PHF14: variants seen among roughly 807,000 people sequenced by gnomAD.
PHF14 encodes the protein PHD finger protein 14.
In PHF14, 55 loss-of-function variants were observed where a neutral mutation model predicts 117.9. The ratio of observed to expected loss-of-function variants is 0.47; its 90% CI spans 0.38 to 0.58. PHF14 has a LOEUF of 0.58. Among genes scored for constraint, PHF14 ranks in the 20% least tolerant of loss-of-function variants. The pLI, the probability that PHF14 is intolerant of heterozygous loss-of-function variation, is 0.00. For missense variants in PHF14, 978 were observed against 1,122.2 expected, an observed-to-expected ratio of 0.87 and a Z score of 1.84; for synonymous variants, 409 against 368.6, an observed-to-expected ratio of 1.11 and a Z score of -1.26.
At chr7:11,151,196 G>T (rs991878193) in intron 17 of PHF14, among the ~76,000 whole-genome samples, 3 of 152,082 alleles carry the variant, frequency 2.0e-5, no homozygotes, top group African/African-American at 7.2e-5. Flanking sequence ...GAACAATGTG[G>T]TTGCCACATA....
At chr7:11,027,517 C>G (rs919103225) in intron 6 of PHF14, among the ~76,000 whole-genome samples, 3 of 151,840 alleles carry the variant, frequency 2.0e-5, no homozygotes, top group Non-Finnish European at 4.4e-5. Context: ...TAGCTAATTC[C>G]CCCTTTTTCT....
In PHF14 at chr7:10,993,669, G is replaced by C. The variant is rs1423904617; in HGVS notation, c.1045+2822G>C. On this transcript the variant is annotated intron_variant, in intron 4 of 17. Transcript: ENST00000634607. ...GTAGGACAAGGAGTATAGGAATGCT[G>C]TGTGTGAGGGTGGTTGGGTGAGTTG... Among the ~76,000 whole-genome samples the C allele has an allele frequency of 3.3e-5, 5 of 152,140 alleles. No individual in the cohort carries two copies. The East Asian group carries it at 9.7e-4, about 29-fold the overall frequency.
chr7:11,027,299 A>C (rs963933114), intron 6 of PHF14, among the ~76,000 whole-genome samples: 1 of 151,998 alleles, frequency 6.6e-6, no homozygotes, highest in Non-Finnish European at 1.5e-5. Flanking sequence ...TACTGTTATT[A>C]GAGAAATTAT....
At chr7:11,050,670 C>G (rs981374656) in intron 13 of PHF14, among the ~76,000 whole-genome samples, 1 of 151,894 alleles carries the variant, frequency 6.6e-6, no homozygotes, top group African/African-American at 2.4e-5. Flanking sequence ...TGTAGATAAT[C>G]CTAATATTAT....
intron 17 of PHF14, among the ~76,000 whole-genome samples, chr7:11,148,989 A>G (rs1788631279): frequency 6.6e-6 from 1 of 152,134 alleles, no homozygotes; most frequent in Non-Finnish European, 1.5e-5. Flanking sequence ...TTTAAACCCA[A>G]AGTCATTCCT....
chr7:11,041,718 C>G (rs904583296), intron 12 of PHF14, among the ~76,000 whole-genome samples: 1 of 151,862 alleles, frequency 6.6e-6, no homozygotes, highest in African/African-American at 2.4e-5. Flanking sequence ...ACGGTTGGTT[C>G]ATTTGGAACC....
At chr7:11,151,830 A>G (rs764967707) in intron 17 of PHF14, among the ~76,000 whole-genome samples, 11 of 152,156 alleles carry the variant, frequency 7.2e-5, no homozygotes, top group African/African-American at 2.7e-4. Context: ...GAAAGCCACT[A>G]TATGAGTGTA....
At chr7:11,138,046 T>C (rs1788277224) in intron 17 of PHF14, among the ~76,000 whole-genome samples, 1 of 151,842 alleles carries the variant, frequency 6.6e-6, no homozygotes. Flanking sequence ...TACTTCTTTT[T>C]TTTTTTTTGA....
At chr7:11,106,178 A>G (rs567078848) in intron 16 of PHF14, 2 of 981,632 alleles carry the variant, frequency 2.0e-6, no homozygotes, top group East Asian at 2.3e-4. Flanking sequence ...TGGCTGCCAC[A>G]GATATAGCTA....
chr7:11,100,321 T>G (rs1787041571), intron 16 of PHF14, among the ~76,000 whole-genome samples: 1 of 151,976 alleles, frequency 6.6e-6, no homozygotes, highest in Admixed American at 6.6e-5. Context: ...ATTATAGTAA[T>G]GATAATGTTA....
At chr7:11,051,869 C>T (rs1261390616) in intron 14 of PHF14, 89 bp downstream of exon 14, 2 of 1,069,212 alleles carry the variant, frequency 1.9e-6, no homozygotes, top group Non-Finnish European at 2.7e-6. Flanking sequence ...AACATATACT[C>T]AGAAGTCAAA....
chr7:11,030,915 G>C (rs953356480), intron 7 of PHF14, among the ~76,000 whole-genome samples: 7 of 152,150 alleles, frequency 4.6e-5, no homozygotes, highest in Non-Finnish European at 8.8e-5. Flanking sequence ...TCAAAACCCA[G>C]AATATTGCAT....
At chr7:11,100,291 T>C (rs1787040246) in intron 16 of PHF14, among the ~76,000 whole-genome samples, 1 of 151,998 alleles carries the variant, frequency 6.6e-6, no homozygotes, top group South Asian at 2.1e-4. Context: ...ATGTTATTTT[T>C]AAGTCATTTT....
intron 16 of PHF14, chr7:11,063,573 G>A (rs1785314526): frequency 1.0e-6 from 1 of 966,894 alleles, no homozygotes; most frequent in Admixed American, 6.2e-5. Flanking sequence ...GAACCTGTAT[G>A]AGTATCTACT....
chr7:11,014,798 C>T (rs1367468381), intron 5 of PHF14: 1 of 151,980 alleles, frequency 6.6e-6, no homozygotes, highest in African/African-American at 2.4e-5. Flanking sequence ...ATAAGTGGCA[C>T]AAAGACCTGT....
chr7:11,011,340 C>T (rs116302231), intron 4 of PHF14, among the ~76,000 whole-genome samples: 1,955 of 152,140 alleles, frequency 0.013, 42 homozygotes, highest in African/African-American at 0.045. Flanking sequence ...AATTTAGGCT[C>T]CTGGTTGTCT....
intron 6 of PHF14, among the ~76,000 whole-genome samples, chr7:11,026,434 C>T (rs113009193): frequency 3.3e-5 from 5 of 152,260 alleles, no homozygotes; most frequent in African/African-American, 1.2e-4. Context: ...TTGAAGTGGT[C>T]TGGAGCTGAA....
intron 16 of PHF14, chr7:11,103,529 A>G (rs1245030472): frequency 4.9e-5 from 48 of 985,122 alleles, no homozygotes; most frequent in Non-Finnish European, 5.4e-5. Context: ...TATGTTGAAT[A>G]TTTCATCACT....
chr7:11,137,590 C>CTTTT (rs5882293), intron 17 of PHF14, among the ~76,000 whole-genome samples: 28 of 93,972 alleles, frequency 3.0e-4, no homozygotes, highest in South Asian at 3.8e-4. Flanking sequence ...CTTAAAAATT[C>CTTTT]TTTTTTTTTT....
Sources: allele counts gnomAD v4.1 joint callset (sites outside exome capture counted in the v4.1 genomes callset), GRCh38; gene constraint gnomAD v4.1.1; transcripts MANE v1.5; gene names NCBI Gene and HGNC (gene_info 2026-07-23, HGNC 2026-07-21).